The following CBLB variants were observed in gnomAD, a reference collection of about 807,000 sequenced individuals.
CBLB encodes Cbl proto-oncogene B.
In CBLB, 31 loss-of-function variants were observed where a neutral mutation model predicts 104.9. The ratio of observed to expected loss-of-function variants is 0.30; its 90% CI spans 0.22 to 0.40. The LOEUF (loss-of-function observed/expected upper bound fraction) is 0.40. Ranked by LOEUF, CBLB falls within the 10% of genes least tolerant of loss-of-function variation. The pLI, the probability that CBLB is intolerant of heterozygous loss-of-function variation, is 1.00. For synonymous variants in CBLB, 440 were observed against 422.6 expected (o/e 1.04, Z -0.51); for missense variants, 1,062 against 1,214.6 (o/e 0.87, Z 1.87).
intron 3 of CBLB, among the ~76,000 whole-genome samples, chr3:105,833,008 T>A (rs2087807495): frequency 6.6e-6 from 1 of 152,032 alleles, no homozygotes; most frequent in Non-Finnish European, 1.5e-5. Flanking sequence ...TGGAAAAAAA[T>A]CAGGCACATG....
intron 7 of CBLB, among the ~76,000 whole-genome samples, chr3:105,740,268 T>G (rs1179831077): frequency 1.3e-5 from 2 of 152,238 alleles, no homozygotes; most frequent in Admixed American, 1.3e-4. Context: ...TAAAAATTCA[T>G]GTTGTAATTT....
chr3:105,837,222 G>T (rs1425985591), intron 3 of CBLB, among the ~76,000 whole-genome samples: 1 of 152,200 alleles, frequency 6.6e-6, no homozygotes, highest in Non-Finnish European at 1.5e-5. Flanking sequence ...TGCCTCAAGA[G>T]TCCTGAATAA....
At chr3:105,678,686 A>G in intron 16 of CBLB, 115 bp from the exon 17 acceptor site, 2 of 1,218,078 alleles carry the variant, frequency 1.6e-6, no homozygotes, top group Non-Finnish European at 2.4e-6. Context: ...TTTCACTCGC[A>G]GGGTTTATCC....
At chr3:105,765,946 T>C (rs1198194603) in intron 4 of CBLB, among the ~76,000 whole-genome samples, 2 of 152,210 alleles carry the variant, frequency 1.3e-5, no homozygotes, top group Admixed American at 6.5e-5. Context: ...TATATTGTGA[T>C]AGCTCTGGGC....
intron 3 of CBLB, among the ~76,000 whole-genome samples, chr3:105,822,104 TTA>T (rs1266649780): frequency 1.3e-5 from 2 of 152,132 alleles, no homozygotes; most frequent in Non-Finnish European, 2.9e-5. Flanking sequence ...ATATTATTAT[TTA>T]TCATTATCTT....
intron 16 of CBLB, among the ~76,000 whole-genome samples, chr3:105,680,435 T>C (rs2066173670): frequency 6.6e-6 from 1 of 152,158 alleles, no homozygotes; most frequent in Non-Finnish European, 1.5e-5. Flanking sequence ...ATACAGATCC[T>C]TTACATCACC....
rs143278900 is a variant in CBLB at position 105,854,880 on chromosome 3, C to T, written c.169-1216G>A. Among the ~76,000 whole-genome samples, 922 of 152,222 alleles carry T rather than the reference C, an allele frequency of 6.1e-3. 11 individuals carry two copies. The highest frequency in any genetic ancestry group is 0.021 in the African/African-American group (875 of 41,540). On this transcript the variant is annotated intron_variant, in intron 2 of 18. Transcript: ENST00000394030. ...ACTCCTGACCTTGTGATCCACCCGC[C>T]TCGGCCTCCCAAAGTGCTGGGATTA... is the stretch of plus-strand genomic sequence containing the variant.
chr3:105,731,654 T>C (rs2074330431), intron 9 of CBLB, among the ~76,000 whole-genome samples: 1 of 152,202 alleles, frequency 6.6e-6, no homozygotes. Context: ...GGTCTCCTTA[T>C]GTTGTCCAGG....
intron 3 of CBLB, among the ~76,000 whole-genome samples, chr3:105,843,079 T>C (rs1360206763): frequency 6.6e-6 from 1 of 152,224 alleles, no homozygotes; most frequent in Non-Finnish European, 1.5e-5. Flanking sequence ...ACAGACTGTC[T>C]ATGTCTGCTT....
intron 10 of CBLB, 70 bp downstream of exon 10, chr3:105,719,977 A>G: frequency 8.6e-7 from 1 of 1,161,756 alleles, no homozygotes; most frequent in Admixed American, 1.7e-5. Context: ...GTCATACTCC[A>G]TTTATGACGG....
intron 9 of CBLB, 147 bp from the exon 10 acceptor site, chr3:105,720,397 G>A: frequency 1.4e-6 from 1 of 696,250 alleles, no homozygotes; most frequent in Non-Finnish European, 2.5e-6. Flanking sequence ...TGAAGTGGTA[G>A]TGGGTATAGA....
chr3:105,659,185 T>TG lies in CBLB; in HGVS notation c.2733dup (p.Arg912GlnfsTer15), dbSNP rs2063542116. On this transcript the variant is annotated frameshift_variant, in exon 19 of 19. Transcript: ENST00000394030. LOFTEE classifies it high-confidence loss of function. ...CTGTGGTGAATTTCTGGTGCAGTCCTGCGCGGTCGTGGTTTAGGGGGTCTG... is the reference window on the plus strand; with the variant it reads ...CTGTGGTGAATTTCTGGTGCAGTCCTGGCGCGGTCGTGGTTTAGGGGGTCTG... 1 of 1,613,868 alleles carries TG rather than the reference T, an allele frequency of 6.2e-7. No individual in the cohort carries two copies.
chr3:105,703,183 G>T (rs567962733), intron 11 of CBLB, among the ~76,000 whole-genome samples: 1 of 152,094 alleles, frequency 6.6e-6, no homozygotes, highest in Non-Finnish European at 1.5e-5. Context: ...TGATTGATTT[G>T]TAATTTTAAT....
intron 10 of CBLB, among the ~76,000 whole-genome samples, chr3:105,706,430 C>T (rs1403121866): frequency 6.6e-6 from 1 of 152,148 alleles, no homozygotes; most frequent in Non-Finnish European, 1.5e-5. Context: ...TAGTCACAAA[C>T]TGACTTGAGT....
At chr3:105,830,485 A>G (rs1238342848) in intron 3 of CBLB, among the ~76,000 whole-genome samples, 1 of 152,232 alleles carries the variant, frequency 6.6e-6, no homozygotes, top group Non-Finnish European at 1.5e-5. Flanking sequence ...TCATATAACA[A>G]GAAAGATCAG....
At chr3:105,763,005 C>T (rs891257037) in intron 4 of CBLB, among the ~76,000 whole-genome samples, 3 of 152,172 alleles carry the variant, frequency 2.0e-5, no homozygotes, top group African/African-American at 4.8e-5. Flanking sequence ...GTGCCCTGGA[C>T]GTGAGACACG....
chr3:105,660,148 T>C (rs534066594), intron 18 of CBLB, among the ~76,000 whole-genome samples: 63 of 152,188 alleles, frequency 4.1e-4, no homozygotes, highest in Non-Finnish European at 7.3e-4. Flanking sequence ...TATAGCACTT[T>C]ATCTCAAAAG....
At chr3:105,679,384 C>T (rs2066040648) in intron 16 of CBLB, among the ~76,000 whole-genome samples, 1 of 139,622 alleles carries the variant, frequency 7.2e-6, no homozygotes, top group Non-Finnish European at 1.5e-5. Flanking sequence ...TAAGCTATCT[C>T]AAAATACTTT....
At chr3:105,804,372 C>T (rs116338220) in intron 3 of CBLB, among the ~76,000 whole-genome samples, 16,743 of 151,184 alleles carry the variant, frequency 0.11, 1,174 homozygotes, top group East Asian at 0.41. Context: ...TACAAAAAAA[C>T]TGGCCAGGCG....
Sources: gnomAD v4.1 joint callset for allele counts (sites outside exome capture counted in the v4.1 genomes callset) on GRCh38, gnomAD v4.1.1 for gene constraint, MANE v1.5 for transcripts, NCBI Gene and HGNC (gene_info 2026-07-23, HGNC 2026-07-21) for gene names.